Variants in TNFRSF19 observed in about 807,000 individuals in gnomAD.
TNFRSF19 encodes the protein tumor necrosis factor receptor superfamily member 19.
A neutral mutation model predicts 46.4 loss-of-function variants in TNFRSF19; 27 were observed. The ratio of observed to expected loss-of-function variants is 0.58; its 90% confidence interval spans 0.43 to 0.80. TNFRSF19 has a LOEUF of 0.80. TNFRSF19 is among the 30% of genes least tolerant of loss of function. TNFRSF19 has a pLI of 0.00. For missense variants in TNFRSF19, 511 were observed against 530.8 expected, an observed-to-expected ratio of 0.96 and a Z score of 0.37; for synonymous variants, 204 against 205.0, an observed-to-expected ratio of 1.00 and a Z score of 0.04.
At chr13:23,653,050 A>G (rs1883746108) in intron 5 of TNFRSF19, among the ~76,000 whole-genome samples, 1 of 152,170 alleles carries the variant, frequency 6.6e-6, no homozygotes, top group Non-Finnish European at 1.5e-5. Flanking sequence ...CAGCCTGGGA[A>G]AGCAGCTCTG....
At chr13:23,594,795 C>T (rs1000452203) in intron 3 of TNFRSF19, among the ~76,000 whole-genome samples, 2 of 152,190 alleles carry the variant, frequency 1.3e-5, no homozygotes, top group Non-Finnish European at 2.9e-5. Context: ...AAGTGGGTCG[C>T]TGACCCCCCA....
At chr13:23,583,202 C>T (rs1431122159) in intron 1 of TNFRSF19, among the ~76,000 whole-genome samples, 2 of 152,184 alleles carry the variant, frequency 1.3e-5, no homozygotes, top group Admixed American at 1.3e-4. Context: ...TCCAAATCTT[C>T]ACCAACAATG....
chr13:23,667,330 T>C (rs1322783917), intron 7 of TNFRSF19, among the ~76,000 whole-genome samples: 2 of 152,334 alleles, frequency 1.3e-5, no homozygotes, highest in East Asian at 1.9e-4. Context: ...CTTGTAAAGC[T>C]GTGTGCACAT....
intron 1 of TNFRSF19, among the ~76,000 whole-genome samples, chr13:23,583,546 G>A (rs998298753): frequency 3.3e-5 from 5 of 152,088 alleles, no homozygotes; most frequent in African/African-American, 1.2e-4. Flanking sequence ...TAAAACCTGG[G>A]TTTTAAAAAG....
At chr13:23,638,205 G>GGGTCC (rs1235072896) in intron 5 of TNFRSF19, among the ~76,000 whole-genome samples, 3 of 152,322 alleles carry the variant, frequency 2.0e-5, no homozygotes, top group South Asian at 2.1e-4. Flanking sequence ...CATCCTTGCG[G>GGGTCC]GTAGGGAAGG....
Position 23,659,067 on chromosome 13 carries a change from C to G in TNFRSF19, c.463C>G (p.Leu155Val). The stretch of plus-strand genomic sequence containing the variant: ...GGTTTCAGGTGCCAGCAAGGTCAAC[C>G]TCGTGAAGATCGCGTCCACGGCCTC... ...YEPHCASKVN[L>V]VKIASTASSP... The change falls in exon 6 of 10, where the codon CTC (leucine) becomes GTC (valine). Residue 155 changes from leucine (L) to valine (V), a missense_variant. This residue lies in a region of TNFRSF19 where 376 missense variants were observed against 372.7 expected (regional missense o/e 1.01). Transcript: ENST00000248484. This position sits in a 1 kb window ranked among gnomAD's most constrained non-coding sequence, Gnocchi z 4.9. 1 of 1,613,798 alleles carries G rather than the reference C, an allele frequency of 6.2e-7. No homozygotes were observed. The highest frequency in any genetic ancestry group is 8.5e-7 in the Non-Finnish European group (1 of 1,180,028).
intron 5 of TNFRSF19, among the ~76,000 whole-genome samples, chr13:23,652,092 A>C (rs1179850043): frequency 6.6e-6 from 1 of 152,068 alleles, no homozygotes; most frequent in Admixed American, 6.5e-5. Context: ...TGGCCCCTGC[A>C]CTTGTGGTTA....
intron 5 of TNFRSF19, among the ~76,000 whole-genome samples, chr13:23,653,848 A>G (rs1172256061): frequency 1.3e-5 from 2 of 152,188 alleles, no homozygotes; most frequent in African/African-American, 4.8e-5. Flanking sequence ...TGCCATGCTC[A>G]TTTCTGCAGG....
chr13:23,669,632 C>G (rs1166218043), intron 9 of TNFRSF19: 4 of 985,112 alleles, frequency 4.1e-6, no homozygotes, highest in African/African-American at 1.7e-5. Context: ...TGGTTGTGAC[C>G]TGAGACCAGG....
At chr13:23,607,384 G>A (rs1176839228) in intron 3 of TNFRSF19, among the ~76,000 whole-genome samples, 4 of 152,114 alleles carry the variant, frequency 2.6e-5, no homozygotes, top group Non-Finnish European at 5.9e-5. Flanking sequence ...GGTGAGCCGA[G>A]ATTGCACCAC....
chr13:23,626,788 G>A lies in TNFRSF19; in HGVS notation c.441G>A (p.Pro147=), dbSNP rs143483716. ...GAGACCCTCCTCCTCCTTACGAACC[G>A]CACTGTGAGTGAACGCAACACAGGC... ...PCGDPPPPYE[P]HCASKVNLVK... Residue 147 remains proline (P), a synonymous_variant, in exon 5 of 10, where the codon CCG becomes CCA. Coordinates refer to ENST00000248484, the MANE Select transcript of TNFRSF19 (RefSeq NM_148957.4). 8.6e-5 allele frequency: 138 copies of A among 1,613,894 alleles called. No homozygotes were observed. Among genetic ancestry groups the A allele is most frequent in the Middle Eastern group, 1.6e-4 (1 of 6,084 alleles).
chr13:23,635,052 C>T (rs1043694031), intron 5 of TNFRSF19, among the ~76,000 whole-genome samples: 1 of 152,118 alleles, frequency 6.6e-6, no homozygotes, highest in African/African-American at 2.4e-5. Context: ...GTGTGTGTTT[C>T]CTTAAAGCCC....
intron 1 of TNFRSF19, among the ~76,000 whole-genome samples, chr13:23,584,308 G>A (rs1878671578): frequency 6.6e-6 from 1 of 151,950 alleles, no homozygotes; most frequent in African/African-American, 2.4e-5. Flanking sequence ...TCCCAGTTAT[G>A]AGTAAGAACA....
At chr13:23,670,069 A>G (rs1476924905) in intron 9 of TNFRSF19, among the ~76,000 whole-genome samples, 2 of 152,192 alleles carry the variant, frequency 1.3e-5, no homozygotes, top group Non-Finnish European at 2.9e-5. Context: ...CTTCCATGTC[A>G]TTCTGTATCC....
chr13:23,658,172 C>T (rs941921571), intron 5 of TNFRSF19, among the ~76,000 whole-genome samples: 2 of 152,042 alleles, frequency 1.3e-5, no homozygotes, highest in Non-Finnish European at 2.9e-5. Context: ...TATCCTGGTA[C>T]CCTCAGGATA....
chr13:23,628,746 T>C (rs1387917881), intron 5 of TNFRSF19, among the ~76,000 whole-genome samples: 2 of 152,134 alleles, frequency 1.3e-5, no homozygotes, highest in African/African-American at 4.8e-5. Context: ...GTCCTTAGTA[T>C]TTTAAAAAGA....
At chr13:23,667,628 C>T (rs1951665013) in intron 7 of TNFRSF19, among the ~76,000 whole-genome samples, 1 of 152,136 alleles carries the variant, frequency 6.6e-6, no homozygotes. Flanking sequence ...GCGTTAAGTA[C>T]ATTCTCACTG....
At chr13:23,614,695 G>C (rs1209061658) in intron 3 of TNFRSF19, among the ~76,000 whole-genome samples, 1 of 150,552 alleles carries the variant, frequency 6.6e-6, no homozygotes, top group Non-Finnish European at 1.5e-5. Flanking sequence ...CCGACAACAG[G>C]TGTTACCAAC....
chr13:23,626,007 G>A (rs1425911196), intron 4 of TNFRSF19, among the ~76,000 whole-genome samples: 1 of 152,052 alleles, frequency 6.6e-6, no homozygotes, highest in Non-Finnish European at 1.5e-5. Flanking sequence ...AATGAAAGTT[G>A]TTTGCTTATT....
Sources: gnomAD v4.1 joint callset for allele counts (sites outside exome capture counted in the v4.1 genomes callset) on GRCh38, gnomAD v4.1.1 for gene constraint, gnomAD v4.1.1 regional missense constraint, Gnocchi (gnomAD v3.1) non-coding constraint, MANE v1.5 for transcripts, NCBI Gene and HGNC (gene_info 2026-07-23, HGNC 2026-07-21) for gene names.